VPS52: variants seen among roughly 807,000 people sequenced by gnomAD.
VPS52 encodes vacuolar protein sorting-associated protein 52 homolog.
In VPS52, 56 loss-of-function variants were observed where a neutral mutation model predicts 98.7. The ratio of observed to expected loss-of-function variants is 0.57; its 90% CI spans 0.46 to 0.71. The LOEUF (loss-of-function observed/expected upper bound fraction) is 0.71, where lower values mean the gene tolerates loss of function less well. Among genes scored for constraint, VPS52 ranks in the 30% least tolerant of loss-of-function variants. The probability of loss-of-function intolerance (pLI) is 0.00; values close to 1 mark genes in which losing one functional copy is unlikely to be tolerated. For missense variants in VPS52, 742 were observed against 925.9 expected, an observed-to-expected ratio of 0.80 and a Z score of 2.58; for synonymous variants, 348 against 346.4, an observed-to-expected ratio of 1.00 and a Z score of -0.05.
At chr6:33,265,421 T>C (rs931732131) in intron 12 of VPS52, among the ~76,000 whole-genome samples, 1 of 152,136 alleles carries the variant, frequency 6.6e-6, no homozygotes, top group Non-Finnish European at 1.5e-5. Flanking sequence ...GGCTGGATTG[T>C]AATGGTACAA....
At position 33,267,118 on chromosome 6, in the gene VPS52, T is replaced by G; in HGVS notation, c.1125+70A>C. On this transcript the variant is annotated intron_variant, in intron 11 of 19. Transcript: ENST00000445902. The surrounding 1 kb of genome is among the most constrained non-coding windows in gnomAD (Gnocchi z 4.2). ...GCCTGCAGGTTGGGAAGCTCTGCCC[T>G]GAGGTCTGGCCTTCCCTCCCCACCG... is the stretch of plus-strand genomic sequence containing the variant. The G allele has an allele frequency of 6.9e-7, 1 of 1,446,212 alleles. No homozygotes were observed. The highest frequency in any genetic ancestry group is 9.1e-7 in the Non-Finnish European group (1 of 1,097,832). The allele number at this position is 1,446,212 out of a possible 1,614,324, so 89.6% of individuals were successfully genotyped here. A position where few individuals can be genotyped will look rare whatever the true frequency, so the allele number is the denominator to read the frequency against.
rs912792714 is a variant in VPS52 at position 33,264,728 on chromosome 6, CA to C, written c.1400+53del. On this transcript the variant is annotated intron_variant, in intron 13 of 19. Coordinates refer to ENST00000445902, the MANE Select transcript of VPS52 (RefSeq NM_022553.6). Reference sequence around the variant, plus strand: ...AGTCTAAGGTCAGGGCAGAGTCATGCAAGACCAAGAGAGTTCGTGGCCTGTT... The same window carrying C: ...AGTCTAAGGTCAGGGCAGAGTCATGCAGACCAAGAGAGTTCGTGGCCTGTT... The C allele has an allele frequency of 3.2e-6, 5 of 1,549,784 alleles. No individual in the cohort carries two copies. In the African/African-American group the frequency reaches 6.8e-5, roughly 21 times the overall value.
At chr6:33,251,129 G>T in intron 19 of VPS52, 142 bp from the exon 20 acceptor site, 1 of 1,198,556 alleles carries the variant, frequency 8.3e-7, no homozygotes, top group Non-Finnish European at 1.2e-6. Context: ...AGATCACGAG[G>T]TCAGGAATTC....
chr6:33,265,381 G>A (rs1171811577), intron 12 of VPS52, among the ~76,000 whole-genome samples: 6 of 151,768 alleles, frequency 4.0e-5, no homozygotes, highest in East Asian at 3.9e-4. Context: ...CGGTGTTTTC[G>A]GCTTTAGAGA....
chr6:33,251,080 A>C, intron 19 of VPS52, 93 bp from the exon 20 acceptor site: 3 of 1,566,130 alleles, frequency 1.9e-6, no homozygotes, highest in Non-Finnish European at 1.7e-6. Flanking sequence ...GCAGTGGCTC[A>C]CACTTGTAAT....
chr6:33,259,892 A>G (rs1763433462), intron 17 of VPS52, among the ~76,000 whole-genome samples: 1 of 152,206 alleles, frequency 6.6e-6, no homozygotes, highest in Admixed American at 6.5e-5. Context: ...ACAATTTATC[A>G]TTGTCTCATA....
At position 33,263,835 on chromosome 6, in the gene VPS52, G is replaced by A. The variant is rs199625038; in HGVS notation, c.1665C>T (p.Ser555=). The change falls in exon 16 of 20, where the codon TCC becomes TCT. Residue 555 remains serine (S), a synonymous_variant. Transcript: ENST00000445902. ...NFVLRVAAEF[S]SRKEQLVFLI... ...GAAACACAAGCTGCTCCTTCCTTGA[G>A]GAGAACTCAGCTGCCACTCGGAGGA... is the stretch of plus-strand genomic sequence containing the variant. 1 of 1,614,134 alleles carries A rather than the reference G, an allele frequency of 6.2e-7. No homozygotes were observed. Among genetic ancestry groups the A allele is most frequent in the Non-Finnish European group, 8.5e-7 (1 of 1,180,026 alleles).
chr6:33,266,769 C>T, intron 11 of VPS52, 57 bp from the exon 12 acceptor site: 3 of 1,547,112 alleles, frequency 1.9e-6, no homozygotes, highest in Non-Finnish European at 2.6e-6. Flanking sequence ...ACACTGACTT[C>T]CCATGGATAT....
At position 33,269,737 on chromosome 6, in the gene VPS52, AG is replaced by A. The variant is rs1298330931; in HGVS notation, c.304+6del. ...TAGCACCACCCCTTCCCTCTGCTGG[AG>A]GATACAATCCCGAATGGATTTCTGT... On this transcript the variant is annotated splice_donor_region_variant and intron_variant, in intron 4 of 19. Coordinates refer to ENST00000445902, the MANE Select transcript of VPS52 (RefSeq NM_022553.6). 6.2e-7 allele frequency: 1 copy of A among 1,613,436 alleles called. No individual in the cohort carries two copies. The highest frequency in any genetic ancestry group is 8.5e-7 in the Non-Finnish European group (1 of 1,179,710).
chr6:33,269,720 C>T (rs2150858832), intron 4 of VPS52, 24 bp downstream of exon 4: 1 of 1,610,284 alleles, frequency 6.2e-7, no homozygotes, highest in African/African-American at 1.3e-5. Flanking sequence ...AATAGCACCA[C>T]CCCTTCCCTC....
chr6:33,267,622 G>A lies in VPS52; in HGVS notation c.991+60C>T. 6 of 1,586,566 alleles carry A rather than the reference G, an allele frequency of 3.8e-6. No individual in the cohort carries two copies. In the Admixed American group the frequency reaches 6.7e-5, roughly 18 times the overall value. Reference sequence around the variant, plus strand: ...GGTAAGGAGCAGTGCATTGGTGGCTGGAGTCGAAAGTCCTCCCACTCTCAA... The same window carrying A: ...GGTAAGGAGCAGTGCATTGGTGGCTAGAGTCGAAAGTCCTCCCACTCTCAA... On this transcript the variant is annotated intron_variant, in intron 10 of 19. Transcript: ENST00000445902. The surrounding 1 kb of genome is among the most constrained non-coding windows in gnomAD (Gnocchi z 4.2).
At chr6:33,264,550 A>T in intron 13 of VPS52, 53 bp from the exon 14 acceptor site, 1 of 1,607,748 alleles carries the variant, frequency 6.2e-7, no homozygotes, top group Non-Finnish European at 8.5e-7. Context: ...TTGGAGGGGG[A>T]TGGGAGGGAG....
At position 33,269,188 on chromosome 6, in the gene VPS52, C is replaced by T. The variant is rs370857138; in HGVS notation, c.374G>A (p.Arg125Gln). 8.1e-6 allele frequency: 13 copies of T among 1,612,898 alleles called. No individual in the cohort carries two copies. The highest frequency in any genetic ancestry group is 3.3e-5 in the Admixed American group (2 of 59,984). ...QITACDAVLE[R>Q]MEQMLGAFQS... Reference sequence around the variant, plus strand: ...AAAAGCTCCCAACATCTGCTCCATTCGCTGTAGGGAGGGTAGATGTTGCCG... The same window carrying T: ...AAAAGCTCCCAACATCTGCTCCATTTGCTGTAGGGAGGGTAGATGTTGCCG... The change falls in exon 6 of 20, where the codon CGA becomes CAA. Residue 125 changes from arginine to glutamine, a missense_variant and splice_region_variant. Physicochemically the swap from Arg to Gln is conservative, Grantham distance 43. Transcript: ENST00000445902.
intron 17 of VPS52, among the ~76,000 whole-genome samples, chr6:33,256,112 CG>C (rs1762912466): frequency 6.6e-6 from 1 of 151,932 alleles, no homozygotes; most frequent in African/African-American, 2.4e-5. Flanking sequence ...ACTAAACATA[CG>C]TATTATACCC....
chr6:33,258,558 CTT>C (rs1763275532), intron 17 of VPS52, among the ~76,000 whole-genome samples: 1 of 151,742 alleles, frequency 6.6e-6, no homozygotes, highest in Non-Finnish European at 1.5e-5. Flanking sequence ...GCAAAGAACT[CTT>C]ATAAATAAAA....
intron 12 of VPS52, among the ~76,000 whole-genome samples, chr6:33,265,319 G>A (rs923619974): frequency 2.0e-4 from 31 of 151,702 alleles, no homozygotes; most frequent in African/African-American, 7.5e-4. Flanking sequence ...CAGGCGATCC[G>A]CCCACCTCAG....
rs1764098331 is a variant in VPS52 at position 33,264,801 on chromosome 6, C to A, written c.1381G>T (p.Asp461Tyr). 2 of 1,612,972 alleles carry A rather than the reference C, an allele frequency of 1.2e-6. No homozygotes were observed. Among genetic ancestry groups the A allele is most frequent in the Admixed American group, 1.7e-5 (1 of 59,990 alleles). The change falls in exon 13 of 20, where the codon GAT becomes TAT. Residue 461 changes from aspartate (D) to tyrosine (Y), a missense_variant. Around this residue, in one of 2 missense-constraint regions of VPS52, gnomAD observed 590 missense variants for 793.3 expected, o/e 0.74. Transcript: ENST00000445902. ...AGTGACCTGTCCAGGGCAGGAACAT[C>A]CCTCTTTGCTGCAATGTTACGGAAC... is the stretch of plus-strand genomic sequence containing the variant. ...LRFRNIAAKR[D>Y]VPALDRYWEQ...
In VPS52 at chr6:33,268,122, G is replaced by A. The variant is rs1764563094; in HGVS notation, c.786C>T (p.Ala262=). The A allele has an allele frequency of 6.2e-7, 1 of 1,613,030 alleles. No individual in the cohort carries two copies. Among genetic ancestry groups the A allele is most frequent in the Non-Finnish European group, 8.5e-7 (1 of 1,180,040 alleles). Residue 262 remains alanine (A), a synonymous_variant, in exon 8 of 20, where the codon GCC becomes GCT. Transcript: ENST00000445902. This position sits in a 1 kb window ranked among gnomAD's most constrained non-coding sequence, Gnocchi z 4.0. The stretch of plus-strand genomic sequence containing the variant: ...GGGGTTGTGACCTGTACTTCAGCAG[G>A]GCCGTCTGGGGGATCTGATAGTTGG... ...PMTNYQIPQT[A]LLKYRFFYQF...
chr6:33,271,392 G>A, intron 1 of VPS52, 194 bp downstream of exon 1: 2 of 785,390 alleles, frequency 2.5e-6, no homozygotes, highest in South Asian at 2.9e-5. Flanking sequence ...GAAATTTTGT[G>A]CCCCAGAACA....
Sources: gnomAD v4.1 joint callset for allele counts (sites outside exome capture counted in the v4.1 genomes callset) on GRCh38, gnomAD v4.1.1 for gene constraint, gnomAD v4.1.1 regional missense constraint, Gnocchi (gnomAD v3.1) non-coding constraint, MANE v1.5 for transcripts, NCBI Gene and HGNC (gene_info 2026-07-23, HGNC 2026-07-21) for gene names.